The following SEMA5B variants were observed in gnomAD, a reference collection of about 807,000 sequenced individuals.
SEMA5B encodes the protein semaphorin 5B.
A neutral mutation model predicts 135.0 loss-of-function variants in SEMA5B; 66 were observed. The ratio of observed to expected loss-of-function variants is 0.49; its 90% CI spans 0.40 to 0.60. SEMA5B has a LOEUF of 0.60. SEMA5B is among the 20% of genes least tolerant of loss of function. SEMA5B has a pLI of 0.00. For missense variants in SEMA5B, 1,501 were observed against 1,566.3 expected (o/e 0.96, Z 0.70); for synonymous variants, 690 against 639.5 (o/e 1.08, Z -1.19).
chr3:123,001,915 A>G (rs1942185336), intron 1 of SEMA5B, among the ~76,000 whole-genome samples: 1 of 152,226 alleles, frequency 6.6e-6, no homozygotes, highest in Admixed American at 6.5e-5. Context: ...GTAAAACACA[A>G]TCCTTGCCCT....
intron 1 of SEMA5B, among the ~76,000 whole-genome samples, chr3:123,010,302 C>A (rs73859426): frequency 0.057 from 8,733 of 152,204 alleles, 719 homozygotes; most frequent in African/African-American, 0.18. Context: ...AGATGTATGA[C>A]CTTGGTCATA....
intron 1 of SEMA5B, among the ~76,000 whole-genome samples, chr3:122,970,424 T>C (rs753337319): frequency 6.6e-6 from 1 of 152,162 alleles, no homozygotes; most frequent in Non-Finnish European, 1.5e-5. Flanking sequence ...CAATCTAGGG[T>C]GGAGCCCAAG....
In SEMA5B at chr3:122,913,385, G is replaced by A. The variant is rs1419174241; in HGVS notation, c.2320C>T (p.Arg774Trp). ...TCNPEGCPEV[R>W]RNTPWTPWLP... ...CACGGCGTCCAGGGGGTGTTGCGCC[G>A]CACTTCGGGGCAGCCCTCGGGGTTG... The change falls in exon 17 of 23, where the codon CGG (arginine) becomes TGG (tryptophan). Residue 774 changes from arginine (R) to tryptophan (W), a missense_variant. This residue lies in a region of SEMA5B where 927 missense variants were observed against 881.6 expected (regional missense o/e 1.05). Coordinates refer to ENST00000357599, the MANE Select transcript of SEMA5B (RefSeq NM_001031702.4). 1 of 1,577,300 alleles carries A rather than the reference G, an allele frequency of 6.3e-7. No homozygotes were observed. The highest frequency in any genetic ancestry group is 8.6e-7 in the Non-Finnish European group (1 of 1,166,506).
intron 3 of SEMA5B, among the ~76,000 whole-genome samples, chr3:122,947,042 C>A (rs766137358): frequency 6.6e-6 from 1 of 152,040 alleles, no homozygotes; most frequent in African/African-American, 2.4e-5. Context: ...ATGTCCCTGC[C>A]CCCAGACTCA....
intron 20 of SEMA5B, 134 bp downstream of exon 20, chr3:122,911,786 A>G: frequency 2.4e-6 from 3 of 1,231,684 alleles, no homozygotes; most frequent in Non-Finnish European, 3.3e-6. Context: ...TTCTTTCGGC[A>G]TCTCCTTCCC....
At chr3:122,991,808 G>T (rs1941885408) in intron 1 of SEMA5B, among the ~76,000 whole-genome samples, 1 of 152,190 alleles carries the variant, frequency 6.6e-6, no homozygotes, top group Admixed American at 6.5e-5. Context: ...TGGGACCTCA[G>T]AGGTTATCTT....
intron 5 of SEMA5B, among the ~76,000 whole-genome samples, chr3:122,934,959 G>A (rs1179225695): frequency 6.6e-6 from 1 of 152,096 alleles, no homozygotes; most frequent in Non-Finnish European, 1.5e-5. Flanking sequence ...TTTGCTTCAG[G>A]ACAGGGACGT....
chr3:123,015,354 T>G (rs911789344), intron 1 of SEMA5B, among the ~76,000 whole-genome samples: 11 of 152,338 alleles, frequency 7.2e-5, no homozygotes, highest in African/African-American at 2.4e-4. Flanking sequence ...AAATCAGCAG[T>G]GCTGTGTGGC....
intron 12 of SEMA5B, among the ~76,000 whole-genome samples, chr3:122,921,694 T>C (rs3755750): frequency 0.53 from 80,167 of 152,166 alleles, 23,440 homozygotes; most frequent in Non-Finnish European, 0.67. Flanking sequence ...CTCCAGGTAC[T>C]GATAAGTGCT....
chr3:122,979,254 A>G (rs1474014367), intron 1 of SEMA5B, among the ~76,000 whole-genome samples: 1 of 152,218 alleles, frequency 6.6e-6, no homozygotes, highest in Non-Finnish European at 1.5e-5. Context: ...CGAGGAGAAC[A>G]TTCAGGATCG....
At chr3:123,025,311 T>C (rs774841542) in intron 1 of SEMA5B, among the ~76,000 whole-genome samples, 9 of 152,098 alleles carry the variant, frequency 5.9e-5, no homozygotes, top group Non-Finnish European at 1.0e-4. Context: ...AACCCTTGGG[T>C]CATCAGGCAC....
intron 1 of SEMA5B, among the ~76,000 whole-genome samples, chr3:123,017,936 A>AT (rs1942599108): frequency 1.3e-5 from 2 of 150,422 alleles, no homozygotes; most frequent in African/African-American, 4.9e-5. Context: ...AAAAAAAAGG[A>AT]TTTTTTGCTG....
At chr3:123,004,646 G>A (rs1009141983) in intron 1 of SEMA5B, among the ~76,000 whole-genome samples, 7 of 152,190 alleles carry the variant, frequency 4.6e-5, no homozygotes, top group Admixed American at 4.6e-4. Context: ...CTTCTCTGGA[G>A]AGCTGGGAGT....
intron 1 of SEMA5B, among the ~76,000 whole-genome samples, chr3:122,995,036 C>A (rs1241194084): frequency 6.6e-6 from 1 of 152,002 alleles, no homozygotes; most frequent in Admixed American, 6.6e-5. Flanking sequence ...GGGGTGTAAA[C>A]CCAGAGAGAA....
chr3:122,998,829 A>G (rs1942093404), intron 1 of SEMA5B, among the ~76,000 whole-genome samples: 1 of 152,202 alleles, frequency 6.6e-6, no homozygotes, highest in Non-Finnish European at 1.5e-5. Context: ...TGAGGCCTTC[A>G]TTATCACCTA....
intron 1 of SEMA5B, among the ~76,000 whole-genome samples, chr3:122,995,674 G>A (rs1401154921): frequency 1.3e-5 from 2 of 152,182 alleles, no homozygotes; most frequent in Non-Finnish European, 2.9e-5. Flanking sequence ...AGACAGCCCA[G>A]TATCATGGGG....
At chr3:122,917,595 G>A (rs1432606698) in intron 12 of SEMA5B, among the ~76,000 whole-genome samples, 1 of 152,112 alleles carries the variant, frequency 6.6e-6, no homozygotes, top group South Asian at 2.1e-4. Context: ...AAAGAAGAGG[G>A]TGGGGCTTCT....
chr3:122,918,817 C>T (rs1396885132), intron 12 of SEMA5B, among the ~76,000 whole-genome samples: 4 of 152,158 alleles, frequency 2.6e-5, no homozygotes, highest in Non-Finnish European at 5.9e-5. Flanking sequence ...AGTGGAACCA[C>T]GTTTGCTGCT....
At chr3:122,997,944 C>A (rs796882021) in intron 1 of SEMA5B, among the ~76,000 whole-genome samples, 55 of 152,300 alleles carry the variant, frequency 3.6e-4, no homozygotes, top group African/African-American at 1.3e-3. Context: ...CCTTCTCTTC[C>A]TCACGCCCCC....
Sources: allele counts gnomAD v4.1 joint callset (sites outside exome capture counted in the v4.1 genomes callset), GRCh38; gene constraint gnomAD v4.1.1; regional missense constraint gnomAD v4.1.1; transcripts MANE v1.5; gene names NCBI Gene and HGNC (gene_info 2026-07-23, HGNC 2026-07-21).